INPP4B: variants seen among roughly 807,000 people sequenced by gnomAD.
INPP4B encodes the protein inositol polyphosphate-4-phosphatase type II B.
In INPP4B, 55 loss-of-function variants were observed where a neutral mutation model predicts 122.5. The ratio of observed to expected loss-of-function variants is 0.45; its 90% CI spans 0.36 to 0.56. The LOEUF is 0.56. Ranked by LOEUF, INPP4B falls within the 20% of genes least tolerant of loss-of-function variation. The probability of loss-of-function intolerance (pLI) is 0.00; values close to 1 mark genes in which losing one functional copy is unlikely to be tolerated. For missense variants in INPP4B, 1,000 were observed against 1,097.7 expected, an observed-to-expected ratio of 0.91 and a Z score of 1.26; for synonymous variants, 403 against 388.7, an observed-to-expected ratio of 1.04 and a Z score of -0.43.
chr4:142,127,084 C>T (rs981808431), intron 18 of INPP4B, among the ~76,000 whole-genome samples: 1 of 152,112 alleles, frequency 6.6e-6, no homozygotes, highest in Non-Finnish European at 1.5e-5. Context: ...CAGTAGGTGG[C>T]GCTGCTTAAT....
chr4:142,424,131 A>T (rs950749207), intron 5 of INPP4B, among the ~76,000 whole-genome samples: 11 of 151,954 alleles, frequency 7.2e-5, no homozygotes, highest in African/African-American at 2.7e-4. Context: ...CCTTTCTTCA[A>T]AAATTGGCTT....
intron 1 of INPP4B, among the ~76,000 whole-genome samples, chr4:142,776,096 A>G (rs934159772): frequency 4.6e-5 from 7 of 152,104 alleles, no homozygotes; most frequent in African/African-American, 1.7e-4. Flanking sequence ...TCTCTACCCC[A>G]ACGATGTAAT....
intron 2 of INPP4B, among the ~76,000 whole-genome samples, chr4:142,713,179 G>C (rs1460672597): frequency 6.6e-6 from 1 of 152,198 alleles, no homozygotes; most frequent in African/African-American, 2.4e-5. Flanking sequence ...GTTTCTGGCT[G>C]GGTTAACAGG....
At position 142,237,929 on chromosome 4, in the gene INPP4B, C is replaced by G. The variant is rs765423008; in HGVS notation, c.771G>C (p.Glu257Asp). Residue 257 changes from glutamate to aspartate, a missense_variant, in exon 12 of 26, where the codon GAG (glutamate) becomes GAC (aspartate). Physicochemically the swap from Glu to Asp is conservative, Grantham distance 45. Coordinates refer to ENST00000262992, the MANE Select transcript of INPP4B (RefSeq NM_001101669.3). Reference protein sequence around the residue: ...KWMRIREQMSESILSFHIPKE... With the variant: ...KWMRIREQMSDSILSFHIPKE... ...TAGGAATATGAAAGGAAAGAATGCT[C>G]TCTGACATCTGCTCTCGAATTCGCA... 6.3e-7 allele frequency: 1 copy of G among 1,577,886 alleles called. No individual in the cohort carries two copies. The highest frequency in any genetic ancestry group is 1.1e-5 in the South Asian group (1 of 88,588).
chr4:142,444,700 C>A (rs185183764), intron 3 of INPP4B, among the ~76,000 whole-genome samples: 4 of 152,206 alleles, frequency 2.6e-5, no homozygotes, highest in Non-Finnish European at 5.9e-5. Flanking sequence ...TATAAAGACA[C>A]ATGCACATGT....
chr4:142,427,164 T>C (rs1039496695), intron 5 of INPP4B: 6 of 184,952 alleles, frequency 3.2e-5, no homozygotes, highest in Admixed American at 6.2e-5. Flanking sequence ...CTTGAAAGAG[T>C]AGTTTTTAAA....
chr4:142,477,423 A>T (rs368336869), intron 2 of INPP4B, among the ~76,000 whole-genome samples: 1 of 152,218 alleles, frequency 6.6e-6, no homozygotes. Flanking sequence ...CACTAGCAAA[A>T]GAGAAGAAAT....
chr4:142,398,163 C>A (rs1799989652), intron 7 of INPP4B, among the ~76,000 whole-genome samples: 1 of 151,142 alleles, frequency 6.6e-6, no homozygotes, highest in African/African-American at 2.4e-5. Flanking sequence ...ATCACGAGGT[C>A]AGGAGATCAA....
At chr4:142,414,195 T>C (rs1805191685) in intron 5 of INPP4B, among the ~76,000 whole-genome samples, 1 of 152,184 alleles carries the variant, frequency 6.6e-6, no homozygotes, top group African/African-American at 2.4e-5. Context: ...TGAAATAAAG[T>C]TTGTTATTTT....
At chr4:142,427,361 T>C (rs771940261) in intron 5 of INPP4B, 6 of 443,388 alleles carry the variant, frequency 1.4e-5, no homozygotes, top group Non-Finnish European at 2.4e-5. Flanking sequence ...TCTGTTGTTG[T>C]TTCTTAGTAT....
intron 2 of INPP4B, among the ~76,000 whole-genome samples, chr4:142,463,311 C>G (rs1203530090): frequency 6.6e-6 from 1 of 152,016 alleles, no homozygotes; most frequent in African/African-American, 2.4e-5. Flanking sequence ...TCTGAATCAC[C>G]CAGTGCCGCA....
At chr4:142,825,260 A>T (rs577298070) in intron 1 of INPP4B, among the ~76,000 whole-genome samples, 4 of 152,254 alleles carry the variant, frequency 2.6e-5, no homozygotes, top group African/African-American at 9.6e-5. Context: ...TGATAATCTA[A>T]CTTATCACCA....
intron 23 of INPP4B, among the ~76,000 whole-genome samples, chr4:142,102,463 T>C (rs1784947630): frequency 7.1e-6 from 1 of 141,568 alleles, no homozygotes; most frequent in African/African-American, 2.6e-5. Context: ...ACAAAGTCTT[T>C]TTTTTTTTTT....
At chr4:142,468,449 G>A (rs928487327) in intron 2 of INPP4B, among the ~76,000 whole-genome samples, 2 of 152,100 alleles carry the variant, frequency 1.3e-5, no homozygotes, top group African/African-American at 4.8e-5. Flanking sequence ...GCTATGATTC[G>A]GACGTTAGCT....
At chr4:142,152,520 A>G (rs1227063108) in intron 17 of INPP4B, among the ~76,000 whole-genome samples, 1 of 152,188 alleles carries the variant, frequency 6.6e-6, no homozygotes, top group South Asian at 2.1e-4. Context: ...GAAAAAGAGG[A>G]TAATTCTTCC....
At chr4:142,225,860 G>A (rs1851308945) in intron 12 of INPP4B, among the ~76,000 whole-genome samples, 1 of 152,044 alleles carries the variant, frequency 6.6e-6, no homozygotes, top group Non-Finnish European at 1.5e-5. Context: ...TTCTAACACT[G>A]TTTTAGGCCT....
At chr4:142,471,670 T>C (rs1580151205) in intron 2 of INPP4B, among the ~76,000 whole-genome samples, 2 of 152,304 alleles carry the variant, frequency 1.3e-5, no homozygotes, top group Admixed American at 1.3e-4. Flanking sequence ...ATCAGCAGTG[T>C]AGGCAGAGAT....
intron 7 of INPP4B, among the ~76,000 whole-genome samples, chr4:142,367,186 ATATGTGTGTGTGTGTGTGTGTGTG>A (rs1305414763): frequency 9.4e-6 from 1 of 106,418 alleles, no homozygotes; most frequent in East Asian, 2.3e-4. Flanking sequence ...TATACATGTA[ATATGTGTGTGTGTGTGTGTGTGTG>A]TGTGTGTGTG....
At chr4:142,427,517 A>T in intron 5 of INPP4B, 1 of 638,458 alleles carries the variant, frequency 1.6e-6, no homozygotes. Context: ...ACTGAAATTT[A>T]CTTGGCTTTC....
Sources: allele counts gnomAD v4.1 joint callset (sites outside exome capture counted in the v4.1 genomes callset), GRCh38; gene constraint gnomAD v4.1.1; transcripts MANE v1.5; gene names NCBI Gene and HGNC (gene_info 2026-07-23, HGNC 2026-07-21).